Variants in STRN3 observed in about 807,000 individuals in gnomAD.
STRN3 encodes striatin-3.
Under a neutral mutation model 95.6 loss-of-function variants are expected in STRN3, and 29 were observed. That is an observed-to-expected ratio of 0.30 (90% CI 0.23 to 0.41). STRN3 has a LOEUF of 0.41. Ranked by LOEUF, STRN3 falls within the 10% of genes least tolerant of loss-of-function variation. The pLI, the probability that STRN3 is intolerant of heterozygous loss-of-function variation, is 1.00. For missense variants in STRN3, 890 were observed against 972.1 expected, an observed-to-expected ratio of 0.92 and a Z score of 1.12; for synonymous variants, 331 against 357.6, an observed-to-expected ratio of 0.93 and a Z score of 0.84.
At chr14:30,902,103 C>T (rs1254564128) in intron 16 of STRN3, among the ~76,000 whole-genome samples, 5 of 135,916 alleles carry the variant, frequency 3.7e-5, no homozygotes, top group Admixed American at 8.3e-5. Flanking sequence ...CTCAAGAGGC[C>T]GAGATTGCAG....
chr14:30,995,482 T>A (rs2139273338), intron 1 of STRN3, among the ~76,000 whole-genome samples: 1 of 152,336 alleles, frequency 6.6e-6, no homozygotes, highest in Admixed American at 6.5e-5. Context: ...ATGAGAGGAA[T>A]GAATTAGCTG....
rs1439115073 is a variant in STRN3 at position 30,955,734 on chromosome 14, CTTT to C, written c.387-44_387-42del. The C allele has an allele frequency of 2.7e-6, 4 of 1,476,484 alleles. No homozygotes were observed. The African/African-American group carries it at 5.8e-5, about 21-fold the overall frequency. The allele number at this position is 1,476,484 out of a possible 1,614,324, so 91.5% of individuals were successfully genotyped here. On this transcript the variant is annotated intron_variant, in intron 2 of 17. Coordinates refer to ENST00000357479, the MANE Select transcript of STRN3 (RefSeq NM_001083893.2). ...CAAATTAGTAAAATCACAACTTCTTCTTTTTGTCACTCTTGCTTTATATTACTC... is the reference window on the plus strand; with the variant it reads ...CAAATTAGTAAAATCACAACTTCTTCTTGTCACTCTTGCTTTATATTACTC...
At chr14:30,979,403 C>T (rs1301952163) in intron 1 of STRN3, among the ~76,000 whole-genome samples, 2 of 151,992 alleles carry the variant, frequency 1.3e-5, no homozygotes, top group Non-Finnish European at 2.9e-5. Flanking sequence ...TTTTTATGTG[C>T]CCAACTCAAC....
chr14:30,943,812 T>C (rs558661857), intron 5 of STRN3, among the ~76,000 whole-genome samples: 1 of 152,150 alleles, frequency 6.6e-6, no homozygotes, highest in African/African-American at 2.4e-5. Context: ...AGTCCAATCA[T>C]GAGGTACTTA....
intron 1 of STRN3, among the ~76,000 whole-genome samples, chr14:30,987,837 A>C (rs1881771348): frequency 1.3e-5 from 2 of 151,704 alleles, no homozygotes; most frequent in South Asian, 2.1e-4. Flanking sequence ...TCCCGGGTTC[A>C]AGCAATTCTC....
intron 1 of STRN3, among the ~76,000 whole-genome samples, chr14:30,956,815 A>T (rs563196363): frequency 6.6e-6 from 1 of 152,366 alleles, no homozygotes; most frequent in East Asian, 1.9e-4. Context: ...AAAATGACAT[A>T]TTATTTCAAA....
chr14:30,974,141 A>G (rs1469615433), intron 1 of STRN3, among the ~76,000 whole-genome samples: 2 of 152,208 alleles, frequency 1.3e-5, no homozygotes, highest in African/African-American at 2.4e-5. Context: ...CCAAACTGGA[A>G]AGGAAGAAAT....
intron 1 of STRN3, among the ~76,000 whole-genome samples, chr14:30,957,725 G>A (rs1594495158): frequency 2.0e-5 from 3 of 152,036 alleles, no homozygotes; most frequent in African/African-American, 7.2e-5. Context: ...ATGTCAGCCT[G>A]CTTTAACCAC....
At chr14:31,009,082 C>T (rs1882846794) in intron 1 of STRN3, among the ~76,000 whole-genome samples, 1 of 151,892 alleles carries the variant, frequency 6.6e-6, no homozygotes, top group African/African-American at 2.4e-5. Context: ...TTTATAAACA[C>T]ACAAAAAAAT....
intron 1 of STRN3, among the ~76,000 whole-genome samples, chr14:30,995,340 A>C (rs1020447775): frequency 6.6e-6 from 1 of 152,166 alleles, no homozygotes; most frequent in South Asian, 2.1e-4. Flanking sequence ...AAAAAAAAAC[A>C]AAAGAACTCC....
intron 9 of STRN3, among the ~76,000 whole-genome samples, chr14:30,918,151 C>T (rs1381943556): frequency 6.6e-6 from 1 of 152,082 alleles, no homozygotes; most frequent in East Asian, 1.9e-4. Flanking sequence ...AATAATGATG[C>T]TGCCTTATTC....
rs547763857 is a variant in STRN3 at position 30,916,423 on chromosome 14, C to T, written c.1240+2543G>A. Among the ~76,000 whole-genome samples, 1,365 of 151,658 alleles carry T rather than the reference C, an allele frequency of 9.0e-3. 15 individuals are homozygous for T. Among genetic ancestry groups the T allele is most frequent in the Non-Finnish European group, 0.013 (861 of 67,860 alleles). On this transcript the variant is annotated intron_variant, in intron 9 of 17. Coordinates refer to ENST00000357479, the MANE Select transcript of STRN3 (RefSeq NM_001083893.2). ...CTGAATAGCTGGGACTACAGGCGCC[C>T]GCCACCACGCCCAGCTAATTTTTTT...
At chr14:30,942,466 C>A (rs541322718) in intron 5 of STRN3, among the ~76,000 whole-genome samples, 7 of 151,768 alleles carry the variant, frequency 4.6e-5, no homozygotes, top group African/African-American at 1.7e-4. Context: ...AAAGGTAAGG[C>A]TGCTAAGTAA....
At chr14:31,008,178 G>T (rs1882806704) in intron 1 of STRN3, among the ~76,000 whole-genome samples, 1 of 150,726 alleles carries the variant, frequency 6.6e-6, no homozygotes, top group Admixed American at 6.6e-5. Flanking sequence ...GCAACAGAGT[G>T]AGACTCCGTC....
chr14:30,919,066 C>T lies in STRN3; in HGVS notation c.1140G>A (p.Leu380=). 1 of 1,611,402 alleles carries T rather than the reference C, an allele frequency of 6.2e-7. No homozygotes were observed. Among genetic ancestry groups the T allele is most frequent in the Non-Finnish European group, 8.5e-7 (1 of 1,178,434 alleles). The change falls in exon 9 of 18, where the codon CTG becomes CTA. Residue 380 remains leucine, a synonymous_variant. Coordinates refer to ENST00000357479, the MANE Select transcript of STRN3 (RefSeq NM_001083893.2). ...GGATGTGGGGCAGCTCATCATCTCCCAGATCAGCTATCATGTCGTAGAGTT... is the reference window on the plus strand; with the variant it reads ...GGATGTGGGGCAGCTCATCATCTCCTAGATCAGCTATCATGTCGTAGAGTT... ...RTKLYDMIAD[L]GDDELPHIPS...
At chr14:31,006,203 C>A (rs1882705956) in intron 1 of STRN3, among the ~76,000 whole-genome samples, 7 of 149,800 alleles carry the variant, frequency 4.7e-5, no homozygotes, top group Admixed American at 4.6e-4. Context: ...AAAAATTCAA[C>A]AACAAAAACT....
intron 5 of STRN3, among the ~76,000 whole-genome samples, chr14:30,938,098 CG>C (rs756032447): frequency 2.1e-5 from 3 of 145,784 alleles, no homozygotes; most frequent in South Asian, 2.4e-4. Context: ...TTTTAATTGT[CG>C]TTTTTTTTTT....
intron 7 of STRN3, among the ~76,000 whole-genome samples, chr14:30,929,967 A>AACAAAAAAAAAAAAAC (rs1555317335): frequency 2.1e-4 from 19 of 91,210 alleles, no homozygotes; most frequent in South Asian, 1.9e-3. Context: ...AAAAAAAAAA[A>AACAAAAAAAAAAAAAC]AAAAAAAAAA....
chr14:30,952,925 T>C (rs17448194), intron 3 of STRN3, among the ~76,000 whole-genome samples: 60,010 of 151,984 alleles, frequency 0.39, 12,595 homozygotes, highest in Non-Finnish European at 0.47. Context: ...AGTACTTTAG[T>C]GTTTATCATT....
Sources: allele counts gnomAD v4.1 joint callset (sites outside exome capture counted in the v4.1 genomes callset), GRCh38; gene constraint gnomAD v4.1.1; transcripts MANE v1.5; gene names NCBI Gene and HGNC (gene_info 2026-07-23, HGNC 2026-07-21).